Variants in ROS1 observed in about 807,000 individuals in gnomAD.
ROS1 encodes the protein ROS proto-oncogene 1, receptor tyrosine kinase, also known as proto-oncogene tyrosine-protein kinase ROS.
In ROS1, 263 loss-of-function variants were observed where a neutral mutation model predicts 273.5. The observed-to-expected ratio is 0.96, with a 90% CI of 0.87 to 1.06. The LOEUF (loss-of-function observed/expected upper bound fraction) is 1.06, where lower values mean the gene tolerates loss of function less well. Ranked by LOEUF, ROS1 falls within the 50% of genes least tolerant of loss-of-function variation. The pLI, the probability that ROS1 is intolerant of heterozygous loss-of-function variation, is 0.00. For synonymous variants in ROS1, 1,008 were observed against 954.1 expected (o/e 1.06, Z -1.04); for missense variants, 2,833 against 2,751.1 (o/e 1.03, Z -0.67).
chr6:117,309,216 G>A (rs552566831), intron 41 of ROS1, among the ~76,000 whole-genome samples: 4 of 152,096 alleles, frequency 2.6e-5, no homozygotes, highest in East Asian at 3.9e-4. Flanking sequence ...GCACATCCAC[G>A]CACATATACA....
chr6:117,290,447 T>C (rs1303017707), intron 43 of ROS1, among the ~76,000 whole-genome samples: 1 of 152,202 alleles, frequency 6.6e-6, no homozygotes, highest in Non-Finnish European at 1.5e-5. Flanking sequence ...TGTTTAAAAA[T>C]TATTTAATAA....
intron 5 of ROS1, among the ~76,000 whole-genome samples, chr6:117,406,851 G>A (rs746481081): frequency 1.1e-4 from 17 of 151,932 alleles, no homozygotes; most frequent in Non-Finnish European, 2.2e-4. Flanking sequence ...ATGCTAATGG[G>A]GCCTGTGTAC....
chr6:117,287,508 T>A lies in ROS1; in HGVS notation c.*984A>T, dbSNP rs1425402480. ...ACAAGTCAGAGTGATTTTATACAAC[T>A]GAAGATTACAGAATGCAAAACTTCA... On this transcript the variant is annotated 3_prime_UTR_variant, in exon 44 of 44. Coordinates refer to ENST00000368507, the MANE Select transcript of ROS1 (RefSeq NM_001378902.1). 6.6e-6 allele frequency among the ~76,000 whole-genome samples: 1 copy of A among 152,240 alleles called. No homozygotes were observed. Among genetic ancestry groups the A allele is most frequent in the Non-Finnish European group, 1.5e-5 (1 of 68,048 alleles).
chr6:117,338,485 T>TTGAATCCA (rs1777645553), intron 31 of ROS1, among the ~76,000 whole-genome samples: 1 of 150,958 alleles, frequency 6.6e-6, no homozygotes, highest in Non-Finnish European at 1.5e-5. Flanking sequence ...AACGGGTGCA[T>TTGAATCCA]TGAATCCATA....
intron 42 of ROS1, among the ~76,000 whole-genome samples, chr6:117,308,557 A>G (rs1775289016): frequency 6.6e-6 from 1 of 152,124 alleles, no homozygotes; most frequent in Non-Finnish European, 1.5e-5. Flanking sequence ...ACTTAACCAG[A>G]AGTATTTTAC....
intron 43 of ROS1, 25 bp downstream of exon 43, chr6:117,300,949 G>T (rs2128536487): frequency 6.6e-7 from 1 of 1,526,442 alleles, no homozygotes; most frequent in Non-Finnish European, 8.8e-7. Context: ...GCGAAAACTA[G>T]AAAATTCTGA....
intron 43 of ROS1, among the ~76,000 whole-genome samples, chr6:117,289,834 A>T (rs1773705993): frequency 6.6e-6 from 1 of 152,160 alleles, no homozygotes; most frequent in Non-Finnish European, 1.5e-5. Flanking sequence ...GGTATTCAAC[A>T]CCTGTGGAAG....
chr6:117,349,697 A>G (rs545921475), intron 27 of ROS1, among the ~76,000 whole-genome samples: 1 of 152,054 alleles, frequency 6.6e-6, no homozygotes, highest in Admixed American at 6.5e-5. Flanking sequence ...TGAGCATTCT[A>G]AATGATTCTA....
intron 32 of ROS1, among the ~76,000 whole-genome samples, chr6:117,335,857 G>A (rs1009921049): frequency 2.6e-5 from 4 of 151,602 alleles, no homozygotes; most frequent in African/African-American, 7.3e-5. Flanking sequence ...CTGAGGGGAG[G>A]GAACTTAGAG....
chr6:117,392,410 T>C (rs770219416), intron 12 of ROS1, among the ~76,000 whole-genome samples: 2 of 152,152 alleles, frequency 1.3e-5, no homozygotes, highest in Non-Finnish European at 2.9e-5. Flanking sequence ...AAAAGTTTAA[T>C]CTTACAAACA....
intron 31 of ROS1, among the ~76,000 whole-genome samples, chr6:117,339,998 G>C (rs1777802922): frequency 6.6e-6 from 1 of 152,120 alleles, no homozygotes; most frequent in African/African-American, 2.4e-5. Flanking sequence ...AATTATCTCT[G>C]AAGTCTTTTC....
chr6:117,396,141 T>G (rs1435188011), intron 9 of ROS1, 47 bp downstream of exon 9: 1 of 1,497,440 alleles, frequency 6.7e-7, no homozygotes, highest in Non-Finnish European at 9.3e-7. Context: ...AAACCACCCT[T>G]GCCACCCTCA....
intron 18 of ROS1, among the ~76,000 whole-genome samples, chr6:117,376,767 T>TA (rs1429180075): frequency 5.9e-5 from 9 of 152,130 alleles, no homozygotes; most frequent in Admixed American, 5.9e-4. Context: ...AAAGAAAACC[T>TA]AAAAAAATGG....
intron 18 of ROS1, among the ~76,000 whole-genome samples, chr6:117,376,741 A>G (rs1349277053): frequency 6.6e-6 from 1 of 152,112 alleles, no homozygotes; most frequent in Non-Finnish European, 1.5e-5. Flanking sequence ...ACTATAAAAC[A>G]CTTCTGAGAG....
Position 117,318,198 on chromosome 6 carries a change from G to A in ROS1, c.5977C>T (p.His1993Tyr). The change falls in exon 38 of 44, where the codon CAT becomes TAT. Residue 1993 changes from histidine to tyrosine, a missense_variant. Transcript: ENST00000368507. ...TTATTTCAGAGCTACCTCATCAGAT[G>A]TGCCTCCTTCAGGAATTCAATCTTC... ...QEKIEFLKEAHLMSKFNHPNI... is the reference protein window; with the variant it reads ...QEKIEFLKEAYLMSKFNHPNI... 1 of 1,612,444 alleles carries A rather than the reference G, an allele frequency of 6.2e-7. No homozygotes were observed. Among genetic ancestry groups the A allele is most frequent in the East Asian group, 2.2e-5 (1 of 44,822 alleles).
chr6:117,305,179 TG>T (rs1247735408), intron 42 of ROS1, among the ~76,000 whole-genome samples: 1 of 152,170 alleles, frequency 6.6e-6, no homozygotes, highest in Non-Finnish European at 1.5e-5. Flanking sequence ...AGGCATCCAC[TG>T]GGGGCCTTGG....
In ROS1 at chr6:117,310,235, T is replaced by C. The variant is rs1225166807; in HGVS notation, c.6262A>G (p.Ser2088Gly). Residue 2088 changes from serine (S) to glycine (G), a missense_variant, in exon 41 of 44, where the codon AGT becomes GGT. Ser to Gly is a moderately conservative substitution (Grantham distance 56). Transcript: ENST00000368507. Reference protein sequence around the residue: ...NCLVSVKDYTSPRIVKIGDFG... With the variant: ...NCLVSVKDYTGPRIVKIGDFG... Reference sequence around the variant, plus strand: ...TCTCCAATCTTCACTATCCGTGGACTGGTATAGTCTTTCACGGAAACAAGG... The same window carrying C: ...TCTCCAATCTTCACTATCCGTGGACCGGTATAGTCTTTCACGGAAACAAGG... 1 of 1,612,448 alleles carries C rather than the reference T, an allele frequency of 6.2e-7. No homozygotes were observed. The highest frequency in any genetic ancestry group is 2.2e-5 in the East Asian group (1 of 44,874).
intron 27 of ROS1, among the ~76,000 whole-genome samples, chr6:117,348,497 C>T (rs1187509405): frequency 6.6e-6 from 1 of 151,778 alleles, no homozygotes; most frequent in African/African-American, 2.4e-5. Context: ...TGGCTAGAGG[C>T]TTATCAATTT....
At chr6:117,425,513 A>G (rs1374115810) in intron 1 of ROS1, 21 bp downstream of exon 1, 1 of 1,571,634 alleles carries the variant, frequency 6.4e-7, no homozygotes. Flanking sequence ...GCAAAGACAA[A>G]TATTAGATTG....
Sources: allele counts gnomAD v4.1 joint callset (sites outside exome capture counted in the v4.1 genomes callset), GRCh38; gene constraint gnomAD v4.1.1; transcripts MANE v1.5; gene names NCBI Gene and HGNC (gene_info 2026-07-23, HGNC 2026-07-21).